The following ZNF652 variants were observed in gnomAD, a reference collection of about 807,000 sequenced individuals.
ZNF652 encodes zinc finger protein 652.
In ZNF652, 16 loss-of-function variants were observed where a neutral mutation model predicts 45.2. That is an observed-to-expected ratio of 0.35 (90% CI 0.24 to 0.54). The LOEUF (loss-of-function observed/expected upper bound fraction) is 0.54. Ranked by LOEUF, ZNF652 falls within the 20% of genes least tolerant of loss-of-function variation. The pLI is 0.91. For synonymous variants in ZNF652, 250 were observed against 260.6 expected, an observed-to-expected ratio of 0.96 and a Z score of 0.39; for missense variants, 614 against 765.6, an observed-to-expected ratio of 0.80 and a Z score of 2.34.
chr17:49,321,499 A>C (rs1312397752), intron 1 of ZNF652, among the ~76,000 whole-genome samples: 1 of 130,738 alleles, frequency 7.6e-6, no homozygotes, highest in Non-Finnish European at 1.5e-5. Context: ...TGGTCTCCTG[A>C]CCACAGGTGA....
intron 1 of ZNF652, among the ~76,000 whole-genome samples, chr17:49,360,707 C>T (rs534312834): frequency 2.6e-5 from 4 of 152,242 alleles, no homozygotes; most frequent in Admixed American, 1.3e-4. Context: ...AAAGCATGTG[C>T]TAGTTGCCAT....
At chr17:49,342,442 A>G (rs1014387177) in intron 1 of ZNF652, among the ~76,000 whole-genome samples, 65 of 151,714 alleles carry the variant, frequency 4.3e-4, no homozygotes, top group Middle Eastern at 3.4e-3. Context: ...AAACCACCGC[A>G]TGTTGCAGAA....
intron 1 of ZNF652, among the ~76,000 whole-genome samples, chr17:49,345,701 C>T (rs535390812): frequency 4.6e-5 from 7 of 151,074 alleles, no homozygotes; most frequent in East Asian, 3.9e-4. Flanking sequence ...ATTAGCCGGG[C>T]GTGGTGGTGG....
intron 5 of ZNF652, among the ~76,000 whole-genome samples, chr17:49,307,949 A>G (rs2069655769): frequency 6.6e-6 from 1 of 152,206 alleles, no homozygotes; most frequent in South Asian, 2.1e-4. Context: ...GTAAAATTAA[A>G]AGCAGGTTAC....
At chr17:49,289,076 C>T (rs2069369402), downstream of ZNF652, 1 of 152,098 alleles carries the variant, frequency 6.6e-6, no homozygotes, top group African/African-American at 2.4e-5. Context: ...TCACTAGAAA[C>T]AACAAATAAC....
At chr17:49,337,337 TA>T (rs71369295) in intron 1 of ZNF652, among the ~76,000 whole-genome samples, 91,262 of 130,510 alleles carry the variant, frequency 0.7, 31,162 homozygotes, top group African/African-American at 0.75. Context: ...CCCATTCTCT[TA>T]AAAAAAAAAA....
intron 1 of ZNF652, among the ~76,000 whole-genome samples, chr17:49,347,335 T>C (rs951024656): frequency 1.1e-4 from 16 of 152,134 alleles, no homozygotes; most frequent in Non-Finnish European, 1.3e-4. Context: ...AAGGCCACGA[T>C]GTGTGGATTG....
chr17:49,351,014 T>TATATACATAC (rs2070273379), intron 1 of ZNF652, among the ~76,000 whole-genome samples: 17 of 29,724 alleles, frequency 5.7e-4, no homozygotes, highest in Non-Finnish European at 1.1e-3. Flanking sequence ...TATATATATA[T>TATATACATAC]ACACACACAC....
intron 1 of ZNF652, among the ~76,000 whole-genome samples, chr17:49,356,060 G>T (rs1166156690): frequency 6.6e-6 from 1 of 151,992 alleles, no homozygotes; most frequent in Non-Finnish European, 1.5e-5. Flanking sequence ...TCCAAGCTAG[G>T]TCTTTGAGAA....
At chr17:49,329,056 G>A (rs1442678347) in intron 1 of ZNF652, among the ~76,000 whole-genome samples, 1 of 152,170 alleles carries the variant, frequency 6.6e-6, no homozygotes, top group Non-Finnish European at 1.5e-5. Flanking sequence ...TCATGTTTGA[G>A]GGTGTAAATT....
At position 49,301,300 on chromosome 17, in the gene ZNF652, C is replaced by T. The variant is rs80207066; in HGVS notation, c.1310-2376G>A. Among the ~76,000 whole-genome samples, 1,186 of 152,162 alleles carry T rather than the reference C, an allele frequency of 7.8e-3. 22 individuals are homozygous for T. Among genetic ancestry groups the T allele is most frequent in the African/African-American group, 0.025 (1,034 of 41,522 alleles). On this transcript the variant is annotated intron_variant, in intron 5 of 5. Coordinates refer to ENST00000430262, the MANE Select transcript of ZNF652 (RefSeq NM_001145365.3). ...GACTATCATATTTCCCTTGTCTTTA[C>T]GCTTTTTTTTTGAGTCGGAGTCTTG...
intron 1 of ZNF652, among the ~76,000 whole-genome samples, chr17:49,345,676 C>T (rs2070197560): frequency 6.6e-6 from 1 of 150,490 alleles, no homozygotes; most frequent in Non-Finnish European, 1.5e-5. Flanking sequence ...CCTGTCTCTA[C>T]TAAAAATACA....
chr17:49,335,534 A>T (rs2070071166), intron 1 of ZNF652, among the ~76,000 whole-genome samples: 1 of 151,992 alleles, frequency 6.6e-6, no homozygotes, highest in African/African-American at 2.4e-5. Context: ...CACACCCCTT[A>T]CCCCACCCTA....
At chr17:49,341,942 T>G (rs942816213) in intron 1 of ZNF652, among the ~76,000 whole-genome samples, 4 of 152,136 alleles carry the variant, frequency 2.6e-5, no homozygotes, top group Non-Finnish European at 5.9e-5. Context: ...TCCCAGCACT[T>G]TGGGAGGCCA....
chr17:49,316,810 C>A lies in ZNF652; in HGVS notation c.900+16G>T. The A allele has an allele frequency of 1.3e-6, 2 of 1,591,176 alleles. No homozygotes were observed. The highest frequency in any genetic ancestry group is 8.5e-7 in the Non-Finnish European group (1 of 1,170,558). ...TTCTATCCTGAAAAGTTTTCCCTCT[C>A]GGTGATGAAACCTACCTGAATGTTT... is the stretch of plus-strand genomic sequence containing the variant. On this transcript the variant is annotated intron_variant, in intron 2 of 5. Coordinates refer to ENST00000430262, the MANE Select transcript of ZNF652 (RefSeq NM_001145365.3).
intron 1 of ZNF652, among the ~76,000 whole-genome samples, chr17:49,333,623 G>C (rs1305350587): frequency 2.0e-5 from 3 of 148,332 alleles, no homozygotes; most frequent in Non-Finnish European, 4.5e-5. Flanking sequence ...GGGAGGCTGA[G>C]GCAGAAGAAT....
intron 1 of ZNF652, among the ~76,000 whole-genome samples, chr17:49,319,033 A>C (rs2069850702): frequency 6.6e-6 from 1 of 152,202 alleles, no homozygotes; most frequent in Non-Finnish European, 1.5e-5. Context: ...AAATTCTAAG[A>C]AACCATAACC....
intron 1 of ZNF652, among the ~76,000 whole-genome samples, chr17:49,322,689 T>A (rs2069908697): frequency 6.6e-6 from 1 of 152,048 alleles, no homozygotes; most frequent in Non-Finnish European, 1.5e-5. Flanking sequence ...ATCAAGACCA[T>A]CCTGGCTAAC....
chr17:49,333,990 C>T (rs909462892), intron 1 of ZNF652, among the ~76,000 whole-genome samples: 4 of 151,600 alleles, frequency 2.6e-5, no homozygotes, highest in African/African-American at 9.7e-5. Flanking sequence ...AAAAATTAAA[C>T]AGTTAACATA....
Sources: allele counts gnomAD v4.1 joint callset (sites outside exome capture counted in the v4.1 genomes callset), GRCh38; gene constraint gnomAD v4.1.1; transcripts MANE v1.5; gene names NCBI Gene and HGNC (gene_info 2026-07-23, HGNC 2026-07-21).